Variants in SYNDIG1 observed in about 807,000 individuals in gnomAD.
SYNDIG1 encodes the protein synapse differentiation-inducing gene protein 1.
In SYNDIG1, 9 loss-of-function variants were observed where a neutral mutation model predicts 19.4. That is an observed-to-expected ratio of 0.46 (90% CI 0.28 to 0.81). The LOEUF is 0.81. Ranked by LOEUF, SYNDIG1 falls within the 30% of genes least tolerant of loss-of-function variation. The probability of loss-of-function intolerance (pLI) is 0.12; values close to 1 mark genes in which losing one functional copy is unlikely to be tolerated. For missense variants in SYNDIG1, 311 were observed against 343.3 expected, an observed-to-expected ratio of 0.91 and a Z score of 0.74; for synonymous variants, 141 against 145.9, an observed-to-expected ratio of 0.97 and a Z score of 0.24.
At chr20:24,618,221 G>T (rs1222870087) in intron 3 of SYNDIG1, among the ~76,000 whole-genome samples, 1 of 144,666 alleles carries the variant, frequency 6.9e-6, no homozygotes, top group African/African-American at 2.6e-5. Flanking sequence ...GCCCGGGGAA[G>T]GGAGAGAGCC....
At chr20:24,483,237 C>T (rs751252148) in intron 1 of SYNDIG1, among the ~76,000 whole-genome samples, 18 of 152,106 alleles carry the variant, frequency 1.2e-4, no homozygotes, top group Non-Finnish European at 2.4e-4. Flanking sequence ...GGCACTCACA[C>T]GCATGCAGAG....
intron 2 of SYNDIG1, among the ~76,000 whole-genome samples, chr20:24,569,431 G>A (rs2058105559): frequency 1.3e-5 from 2 of 152,210 alleles, no homozygotes; most frequent in Admixed American, 6.5e-5. Flanking sequence ...TGCCCAGAGA[G>A]AGCATCAGAG....
intron 2 of SYNDIG1, among the ~76,000 whole-genome samples, chr20:24,569,447 G>GGC (rs2058105785): frequency 6.6e-6 from 1 of 152,152 alleles, no homozygotes; most frequent in Admixed American, 6.6e-5. Context: ...CAGAGACCTG[G>GGC]GCGTCAGGAG....
At chr20:24,487,016 C>G (rs2055984855) in intron 1 of SYNDIG1, among the ~76,000 whole-genome samples, 1 of 151,438 alleles carries the variant, frequency 6.6e-6, no homozygotes, top group Non-Finnish European at 1.5e-5. Context: ...GCAGGACACA[C>G]TTTGAGCAGC....
intron 3 of SYNDIG1, among the ~76,000 whole-genome samples, chr20:24,591,041 T>C (rs2058502646): frequency 6.6e-6 from 1 of 151,974 alleles, no homozygotes; most frequent in Non-Finnish European, 1.5e-5. Context: ...GTACTGGCTG[T>C]ATGCTTGTGG....
intron 1 of SYNDIG1, among the ~76,000 whole-genome samples, chr20:24,504,994 C>CTTG (rs2056552132): frequency 6.6e-6 from 1 of 152,124 alleles, no homozygotes; most frequent in South Asian, 2.1e-4. Flanking sequence ...ATCAGTAGGA[C>CTTG]TTGTTGATGC....
intron 2 of SYNDIG1, among the ~76,000 whole-genome samples, chr20:24,557,690 C>A (rs1024058998): frequency 2.7e-4 from 41 of 152,098 alleles, no homozygotes; most frequent in Non-Finnish European, 5.1e-4. Context: ...GAGTACCCGG[C>A]CATGTGAGGT....
intron 3 of SYNDIG1, among the ~76,000 whole-genome samples, chr20:24,638,638 C>T (rs1045782310): frequency 1.3e-5 from 2 of 152,200 alleles, no homozygotes; most frequent in African/African-American, 4.8e-5. Flanking sequence ...GCTGGGATTA[C>T]ATGAACCACC....
chr20:24,555,568 T>A (rs969259292), intron 2 of SYNDIG1, among the ~76,000 whole-genome samples: 1 of 152,350 alleles, frequency 6.6e-6, no homozygotes, highest in African/African-American at 2.4e-5. Flanking sequence ...ATGTACGCAG[T>A]AGTCATTCAG....
intron 1 of SYNDIG1, among the ~76,000 whole-genome samples, chr20:24,480,038 A>G (rs544684838): frequency 6.6e-6 from 1 of 152,158 alleles, no homozygotes; most frequent in Admixed American, 6.5e-5. Flanking sequence ...ACATAGTCCC[A>G]CACCTCCCCC....
intron 3 of SYNDIG1, among the ~76,000 whole-genome samples, chr20:24,617,619 A>C (rs1187717839): frequency 6.6e-6 from 1 of 152,146 alleles, no homozygotes; most frequent in Non-Finnish European, 1.5e-5. Context: ...CTGCCGACCC[A>C]GCAAAGCCCG....
chr20:24,574,518 T>C (rs1348466902), intron 2 of SYNDIG1, among the ~76,000 whole-genome samples: 1 of 151,578 alleles, frequency 6.6e-6, no homozygotes, highest in Non-Finnish European at 1.5e-5. Context: ...AGTAAATAAA[T>C]AAATAAATAA....
chr20:24,661,333 G>GGAGAGAAGA (rs2059584160), intron 3 of SYNDIG1, among the ~76,000 whole-genome samples: 1 of 109,726 alleles, frequency 9.1e-6, no homozygotes, highest in African/African-American at 3.2e-5. Flanking sequence ...GGGAAGAGAG[G>GGAGAGAAGA]GGGAGGAAGG....
At chr20:24,552,468 C>A (rs1257293041) in intron 2 of SYNDIG1, among the ~76,000 whole-genome samples, 1 of 152,086 alleles carries the variant, frequency 6.6e-6, no homozygotes, top group Non-Finnish European at 1.5e-5. Flanking sequence ...TCCCCTCACC[C>A]CACAACAGTC....
At chr20:24,599,658 A>G (rs1262150512) in intron 3 of SYNDIG1, among the ~76,000 whole-genome samples, 2 of 152,226 alleles carry the variant, frequency 1.3e-5, no homozygotes, top group African/African-American at 4.8e-5. Flanking sequence ...GGCCATAACA[A>G]AGAATGGAAT....
At chr20:24,493,785 T>C (rs961962862) in intron 1 of SYNDIG1, among the ~76,000 whole-genome samples, 7 of 152,240 alleles carry the variant, frequency 4.6e-5, no homozygotes, top group Non-Finnish European at 5.9e-5. Flanking sequence ...CAGGGGACCA[T>C]TGGGCAGCCG....
intron 3 of SYNDIG1, among the ~76,000 whole-genome samples, chr20:24,586,018 T>C (rs918140880): frequency 1.3e-5 from 2 of 152,202 alleles, no homozygotes; most frequent in African/African-American, 4.8e-5. Flanking sequence ...TTGGTTGGGT[T>C]TGTTGGACGA....
chr20:24,652,722 CG>C (rs1337965675), intron 3 of SYNDIG1, among the ~76,000 whole-genome samples: 1 of 152,152 alleles, frequency 6.6e-6, no homozygotes, highest in Admixed American at 6.5e-5. Context: ...CCACTCACAG[CG>C]GGGTGCCCAG....
At chr20:24,574,915 T>TA (rs1413690173) in intron 2 of SYNDIG1, among the ~76,000 whole-genome samples, 2 of 152,208 alleles carry the variant, frequency 1.3e-5, no homozygotes, top group Non-Finnish European at 2.9e-5. Flanking sequence ...AGAGGAGAAA[T>TA]ACATTTGTGC....
Sources: allele counts gnomAD v4.1 joint callset (sites outside exome capture counted in the v4.1 genomes callset), GRCh38; gene constraint gnomAD v4.1.1; transcripts MANE v1.5; gene names NCBI Gene and HGNC (gene_info 2026-07-23, HGNC 2026-07-21).